ARID4B: variants seen among roughly 807,000 people sequenced by gnomAD.
ARID4B encodes AT-rich interactive domain-containing protein 4B.
ARID4B carries 26 observed loss-of-function variants against 147.5 expected under a neutral mutation model. The observed-to-expected ratio is 0.18, with a 90% CI of 0.13 to 0.24. The LOEUF (loss-of-function observed/expected upper bound fraction) is 0.24, where lower values mean the gene tolerates loss of function less well. Among genes scored for constraint, ARID4B ranks in the 10% least tolerant of loss-of-function variants. ARID4B has a pLI of 1.00. For synonymous variants in ARID4B, 512 were observed against 507.9 expected, an observed-to-expected ratio of 1.01 and a Z score of -0.11; for missense variants, 1,179 against 1,511.5, an observed-to-expected ratio of 0.78 and a Z score of 3.65.
chr1:235,174,529 G>A (rs1663709554), intron 22 of ARID4B, among the ~76,000 whole-genome samples: 2 of 152,154 alleles, frequency 1.3e-5, no homozygotes, highest in South Asian at 4.2e-4. Context: ...GGCTGGGCAT[G>A]GTGGCTCATG....
rs867263426 is a variant in ARID4B, at chr1:235,167,872, C to T, written c.*653G>A. 1.0e-5 allele frequency: 2 copies of T among 196,884 alleles called. No individual in the cohort carries two copies. Among genetic ancestry groups the T allele is most frequent in the South Asian group, 3.9e-4 (2 of 5,194 alleles). 12.2% of individuals were successfully genotyped at this position (196,884 alleles called of 1,614,324 possible). On this transcript the variant is annotated 3_prime_UTR_variant, in exon 24 of 24. Transcript: ENST00000264183. ...AGAAAAATGGCAAAGTACAGTAGTT[C>T]CATTCCAATTTGAAGGGCCATGAAA...
chr1:235,178,900 C>A (rs1013836843), intron 20 of ARID4B, among the ~76,000 whole-genome samples: 1 of 151,926 alleles, frequency 6.6e-6, no homozygotes, highest in Non-Finnish European at 1.5e-5. Context: ...TTTCCTAATA[C>A]CTTTTTAAAT....
At chr1:235,308,234 G>T (rs1301170108) in intron 2 of ARID4B, among the ~76,000 whole-genome samples, 1 of 151,002 alleles carries the variant, frequency 6.6e-6, no homozygotes, top group African/African-American at 2.4e-5. Flanking sequence ...GAGTAGCTGG[G>T]ACCAGAAGCA....
intron 8 of ARID4B, among the ~76,000 whole-genome samples, chr1:235,234,985 T>C (rs954584630): frequency 6.6e-6 from 1 of 152,122 alleles, no homozygotes; most frequent in South Asian, 2.1e-4. Flanking sequence ...ATGAAGAAAA[T>C]GGACCACGCA....
chr1:235,308,641 G>C (rs967963616), intron 2 of ARID4B, among the ~76,000 whole-genome samples: 3 of 151,942 alleles, frequency 2.0e-5, no homozygotes, highest in Non-Finnish European at 4.4e-5. Context: ...CGCCTGACTG[G>C]TTTTTGTATT....
intron 2 of ARID4B, among the ~76,000 whole-genome samples, chr1:235,300,578 G>A (rs1673049283): frequency 1.3e-5 from 2 of 152,062 alleles, no homozygotes; most frequent in South Asian, 2.1e-4. Context: ...TCTGTGCTTA[G>A]AAGACAACAT....
intron 2 of ARID4B, among the ~76,000 whole-genome samples, chr1:235,266,528 C>T (rs1670621567): frequency 6.6e-6 from 1 of 152,158 alleles, no homozygotes; most frequent in Non-Finnish European, 1.5e-5. Context: ...CACAGTTTTC[C>T]AGCATTGCTT....
At chr1:235,240,242 A>T in intron 8 of ARID4B, 71 bp downstream of exon 8, 1 of 1,345,030 alleles carries the variant, frequency 7.4e-7, no homozygotes, top group Non-Finnish European at 1.0e-6. Flanking sequence ...GAAAAACATT[A>T]GTAAGAAAAT....
At chr1:235,198,590 G>A (rs1383277297) in intron 17 of ARID4B, among the ~76,000 whole-genome samples, 1 of 152,096 alleles carries the variant, frequency 6.6e-6, no homozygotes, top group Admixed American at 6.6e-5. Flanking sequence ...AATCCTATAT[G>A]GTAATCATGT....
intron 2 of ARID4B, among the ~76,000 whole-genome samples, chr1:235,322,733 T>C (rs977585339): frequency 6.6e-5 from 10 of 152,174 alleles, no homozygotes; most frequent in Admixed American, 3.9e-4. Context: ...CCCACCTTCA[T>C]TCTATATTAC....
intron 5 of ARID4B, among the ~76,000 whole-genome samples, chr1:235,254,271 C>T (rs1291816313): frequency 1.3e-5 from 2 of 152,024 alleles, no homozygotes; most frequent in East Asian, 3.8e-4. Context: ...TTCTATCAAA[C>T]TCTGAAATCA....
intron 8 of ARID4B, among the ~76,000 whole-genome samples, chr1:235,239,046 G>C (rs1388710942): frequency 6.7e-6 from 1 of 150,236 alleles, no homozygotes; most frequent in Non-Finnish European, 1.5e-5. Flanking sequence ...GCAGTGGCGC[G>C]ATCTTGGCTC....
Position 235,246,510 on chromosome 1 carries a change from G to A in ARID4B, c.356C>T (p.Thr119Ile). The A allele has an allele frequency of 6.2e-7, 1 of 1,611,690 alleles. No individual in the cohort carries two copies. Among genetic ancestry groups the A allele is most frequent in the Non-Finnish European group, 8.5e-7 (1 of 1,177,882 alleles). ...KGERHFAESE[T>I]LDQLPLTNPE... ...GTTGGTGAGTGGGAGCTGGTCTAAT[G>A]TCTGTGGGTAAGAACATAAACCCAT... The change falls in exon 7 of 24, where the codon ACA becomes ATA. Residue 119 changes from threonine (T) to isoleucine (I), a missense_variant and splice_region_variant. Physicochemically the swap from Thr to Ile is moderately conservative, Grantham distance 89. This residue lies in a region of ARID4B where 19 missense variants were observed against 46.7 expected (regional missense o/e 0.41). Transcript: ENST00000264183.
chr1:235,231,660 G>T (rs969054122), intron 9 of ARID4B, among the ~76,000 whole-genome samples: 35 of 152,050 alleles, frequency 2.3e-4, no homozygotes, highest in Non-Finnish European at 2.8e-4. Context: ...GCTAATTTTT[G>T]TATTTTTAGT....
intron 2 of ARID4B, among the ~76,000 whole-genome samples, chr1:235,272,019 C>T (rs1365332510): frequency 1.3e-5 from 2 of 151,652 alleles, no homozygotes; most frequent in East Asian, 3.8e-4. Flanking sequence ...GTTTCATATC[C>T]TCAAGAATAT....
intron 6 of ARID4B, among the ~76,000 whole-genome samples, chr1:235,251,542 A>C (rs1257356504): frequency 6.6e-6 from 1 of 152,144 alleles, no homozygotes; most frequent in Admixed American, 6.5e-5. Context: ...AAAATTTTTC[A>C]AAACAAAAAC....
In ARID4B at chr1:235,181,868, A is replaced by G; in HGVS notation, c.3051T>C (p.Asn1017=). ...TAGTAGGAGGGGTATTTAGCACTGA[A>G]TTACTGCCACTACTTGGAAATTCTG... ...RKAEFPSSGS[N]SVLNTPPTTP... Residue 1017 remains asparagine, a synonymous_variant, in exon 20 of 24, where the codon AAT becomes AAC. Coordinates refer to ENST00000264183, the MANE Select transcript of ARID4B (RefSeq NM_016374.6). The G allele has an allele frequency of 6.2e-7, 1 of 1,614,126 alleles. No homozygotes were observed. Among genetic ancestry groups the G allele is most frequent in the Non-Finnish European group, 8.5e-7 (1 of 1,180,024 alleles).
At chr1:235,274,083 T>C (rs16832525) in intron 2 of ARID4B, among the ~76,000 whole-genome samples, 1,558 of 152,166 alleles carry the variant, frequency 0.01, 23 homozygotes, top group African/African-American at 0.033. Flanking sequence ...CCATTAAAAG[T>C]AATTGCATGC....
intron 2 of ARID4B, among the ~76,000 whole-genome samples, chr1:235,299,923 T>C (rs1043000361): frequency 3.5e-4 from 54 of 152,196 alleles, no homozygotes; most frequent in African/African-American, 1.2e-3. Context: ...TATCTTTTTA[T>C]TGTCACAGAA....
Sources: gnomAD v4.1 joint callset for allele counts (sites outside exome capture counted in the v4.1 genomes callset) on GRCh38, gnomAD v4.1.1 for gene constraint, gnomAD v4.1.1 regional missense constraint, MANE v1.5 for transcripts, NCBI Gene and HGNC (gene_info 2026-07-23, HGNC 2026-07-21) for gene names.